The following COL27A1 variants were observed in gnomAD, a reference collection of about 807,000 sequenced individuals.
COL27A1 encodes collagen type XXVII alpha 1 chain.
A neutral mutation model predicts 251.3 loss-of-function variants in COL27A1; 106 were observed. The observed-to-expected ratio is 0.42, with a 90% CI of 0.36 to 0.50. The LOEUF (loss-of-function observed/expected upper bound fraction) is 0.50, where lower values mean the gene tolerates loss of function less well. Among genes scored for constraint, COL27A1 ranks in the 20% least tolerant of loss-of-function variants. The probability of loss-of-function intolerance (pLI) is 0.00; values close to 1 mark genes in which losing one functional copy is unlikely to be tolerated. For missense variants in COL27A1, 2,325 were observed against 2,522.8 expected, an observed-to-expected ratio of 0.92 and a Z score of 1.68; for synonymous variants, 1,000 against 986.3, an observed-to-expected ratio of 1.01 and a Z score of -0.26.
At chr9:114,232,855 A>C (rs1323256712) in intron 16 of COL27A1, among the ~76,000 whole-genome samples, 1 of 152,180 alleles carries the variant, frequency 6.6e-6, no homozygotes, top group African/African-American at 2.4e-5. Flanking sequence ...GGCGGATCAT[A>C]AGGTCAGGAG....
At chr9:114,262,411 A>G (rs772467788) in intron 28 of COL27A1, among the ~76,000 whole-genome samples, 1 of 152,142 alleles carries the variant, frequency 6.6e-6, no homozygotes, top group Non-Finnish European at 1.5e-5. Context: ...GAAAATTCTC[A>G]ACTGGTTTTA....
At chr9:114,154,312 C>G (rs1848009344), upstream of COL27A1, among the ~76,000 whole-genome samples, 1 of 152,196 alleles carries the variant, frequency 6.6e-6, no homozygotes, top group African/African-American at 2.4e-5. This position sits in a 1 kb window ranked among gnomAD's most constrained non-coding sequence, Gnocchi z 5.8. Flanking sequence ...CCCATGAATA[C>G]AAATGCCGTT....
intron 41 of COL27A1, among the ~76,000 whole-genome samples, chr9:114,286,244 T>C (rs1330976055): frequency 6.6e-6 from 1 of 152,210 alleles, no homozygotes; most frequent in Admixed American, 6.5e-5. Flanking sequence ...GGTGACCCAT[T>C]GAGCACACGC....
intron 37 of COL27A1, among the ~76,000 whole-genome samples, chr9:114,281,362 G>A (rs781315478): frequency 6.6e-5 from 10 of 152,204 alleles, no homozygotes; most frequent in Admixed American, 1.3e-4. Flanking sequence ...CACCCTTGCT[G>A]TGCAGTTTCT....
Position 114,310,700 on chromosome 9 carries a change from T to C in COL27A1, c.*5T>C. On this transcript the variant is annotated 3_prime_UTR_variant, in exon 61 of 61. Coordinates refer to ENST00000356083, the MANE Select transcript of COL27A1 (RefSeq NM_032888.4). ...GGACCTGCGTGCTTCCTCTGACCTCTGACCTCGTGGCCACTCTAGGCCTCA... is the reference window on the plus strand; with the variant it reads ...GGACCTGCGTGCTTCCTCTGACCTCCGACCTCGTGGCCACTCTAGGCCTCA... The C allele has an allele frequency of 1.9e-6, 3 of 1,614,066 alleles. 1 individual carries two copies. The South Asian group carries it at 3.3e-5, about 18-fold the overall frequency.
chr9:114,169,024 C>T lies in COL27A1; in HGVS notation c.1469C>T (p.Ser490Phe), dbSNP rs764050910. Residue 490 changes from serine (S) to phenylalanine (F), a missense_variant, in exon 3 of 61, where the codon TCT becomes TTT. This residue lies in a region of COL27A1 where 1,183 missense variants were observed against 1,144.1 expected (regional missense o/e 1.03). Transcript: ENST00000356083. ...KPPPFTALSS[S>F]PAPTPGSTRS... ...CCCCCATTTACTGCTTTATCCTCAT[C>T]TCCTGCCCCTACTCCTGGTTCTACC... is the stretch of plus-strand genomic sequence containing the variant. 1 of 1,614,154 alleles carries T rather than the reference C, an allele frequency of 6.2e-7. No individual in the cohort carries two copies. The highest frequency in any genetic ancestry group is 8.5e-7 in the Non-Finnish European group (1 of 1,180,012).
At chr9:114,194,550 A>T in intron 6 of COL27A1, 93 bp downstream of exon 6, 1 of 1,134,946 alleles carries the variant, frequency 8.8e-7, no homozygotes, top group Non-Finnish European at 1.3e-6. Context: ...GCCAGAGGCC[A>T]TGCATGGCAA....
intron 28 of COL27A1, among the ~76,000 whole-genome samples, chr9:114,263,240 C>T (rs930238830): frequency 3.3e-5 from 5 of 152,196 alleles, no homozygotes; most frequent in African/African-American, 9.6e-5. Context: ...CCCAGCCTTC[C>T]GCCACTGTGC....
chr9:114,268,955 T>G, intron 34 of COL27A1: 2 of 343,898 alleles, frequency 5.8e-6, no homozygotes, highest in Non-Finnish European at 1.0e-5. Context: ...ACAAAAAAAG[T>G]CCTTAGAACA....
Position 114,310,735 on chromosome 9 carries a change from G to C in COL27A1, c.*40G>C, listed in dbSNP as rs1365041707. On this transcript the variant is annotated 3_prime_UTR_variant, in exon 61 of 61. Transcript: ENST00000356083. ...GCCACTCTAGGCCTCACGGAGGAGGGAAGAGGAAGAGGCAAGGGGAGGGTA... is the reference window on the plus strand; with the variant it reads ...GCCACTCTAGGCCTCACGGAGGAGGCAAGAGGAAGAGGCAAGGGGAGGGTA... The C allele has an allele frequency of 4.4e-6, 7 of 1,609,086 alleles. No individual in the cohort carries two copies. The Admixed American group carries it at 1.2e-4, about 27-fold the overall frequency.
At position 114,269,228 on chromosome 9, in the gene COL27A1, C is replaced by T. The variant is rs181293542; in HGVS notation, c.3502-13C>T. 52 of 1,574,420 alleles carry T rather than the reference C, an allele frequency of 3.3e-5. No homozygotes were observed. The highest frequency in any genetic ancestry group is 4.7e-5 in the East Asian group (2 of 42,210). ...CTACCCACCCGCAAGGACTTTTGTTCGGCTTCTCCTAGGGTGACCTTGGAC... is the reference window on the plus strand; with the variant it reads ...CTACCCACCCGCAAGGACTTTTGTTTGGCTTCTCCTAGGGTGACCTTGGAC... On this transcript the variant is annotated splice_polypyrimidine_tract_variant and intron_variant, in intron 34 of 60. Coordinates refer to ENST00000356083, the MANE Select transcript of COL27A1 (RefSeq NM_032888.4).
At chr9:114,212,152 C>G (rs970356520) in intron 12 of COL27A1, among the ~76,000 whole-genome samples, 1 of 152,242 alleles carries the variant, frequency 6.6e-6, no homozygotes, top group Non-Finnish European at 1.5e-5. Flanking sequence ...CAACCTAGAC[C>G]CCTCTGTGGC....
chr9:114,234,312 T>A (rs185755540), intron 16 of COL27A1, among the ~76,000 whole-genome samples: 223 of 150,692 alleles, frequency 1.5e-3, no homozygotes, highest in African/African-American at 4.1e-3. Context: ...TGAAAAAAAA[T>A]TTTTTTTTTA....
intron 41 of COL27A1, among the ~76,000 whole-genome samples, chr9:114,287,468 C>T (rs555875513): frequency 2.4e-4 from 36 of 152,278 alleles, no homozygotes; most frequent in Non-Finnish European, 1.5e-5. Flanking sequence ...CTGGGGTGGC[C>T]ATGGCATAAG....
chr9:114,229,136 A>C (rs1257769387), intron 14 of COL27A1, among the ~76,000 whole-genome samples: 2 of 152,272 alleles, frequency 1.3e-5, no homozygotes, highest in African/African-American at 4.8e-5. Flanking sequence ...GCCTGAAAGC[A>C]GAATTTCTTA....
chr9:114,276,157 A>G (rs1438610444), intron 37 of COL27A1, among the ~76,000 whole-genome samples: 4 of 152,062 alleles, frequency 2.6e-5, no homozygotes, highest in African/African-American at 4.8e-5. Context: ...CTTAAGTTCT[A>G]TTTGGCCTTC....
At position 114,270,778 on chromosome 9, in the gene COL27A1, G is replaced by A; in HGVS notation, c.3606G>A (p.Leu1202=). 6.2e-7 allele frequency: 1 copy of A among 1,612,226 alleles called. No individual in the cohort carries two copies. The highest frequency in any genetic ancestry group is 1.1e-5 in the South Asian group (1 of 90,928). Residue 1202 remains leucine, a synonymous_variant, in exon 36 of 61, where the codon CTG becomes CTA. Transcript: ENST00000356083. ...GDSGPMGPDG[L]KGDRGDPGPD... is the part of the protein sequence containing the mutation. ...GTGGCCCCATGGGACCTGATGGGCT[G>A]AAGGTAAGTGCCCTTTTAGGGCAGG...
chr9:114,241,982 T>A (rs926753142), intron 21 of COL27A1, among the ~76,000 whole-genome samples: 1 of 152,212 alleles, frequency 6.6e-6, no homozygotes, highest in Non-Finnish European at 1.5e-5. Flanking sequence ...TCACTGGAAG[T>A]CACTGTGTAG....
intron 7 of COL27A1, among the ~76,000 whole-genome samples, chr9:114,203,526 T>C (rs1829717072): frequency 1.3e-5 from 2 of 152,106 alleles, no homozygotes; most frequent in Non-Finnish European, 2.9e-5. Context: ...GTTTGCCCAC[T>C]GGGGAAAAGA....
Sources: allele counts gnomAD v4.1 joint callset (sites outside exome capture counted in the v4.1 genomes callset), GRCh38; gene constraint gnomAD v4.1.1; regional missense constraint gnomAD v4.1.1; non-coding constraint Gnocchi (gnomAD v3.1); transcripts MANE v1.5; gene names NCBI Gene and HGNC (gene_info 2026-07-23, HGNC 2026-07-21).